The following CDH12 variants were observed in gnomAD, a reference collection of about 807,000 sequenced individuals.
CDH12 encodes the protein cadherin-12.
Under a neutral mutation model 74.1 loss-of-function variants are expected in CDH12, and 41 were observed. The ratio of observed to expected loss-of-function variants is 0.55; its 90% confidence interval spans 0.43 to 0.72. The LOEUF is 0.72. Among genes scored for constraint, CDH12 ranks in the 30% least tolerant of loss-of-function variants. The probability of loss-of-function intolerance (pLI) is 0.00; values close to 1 mark genes in which losing one functional copy is unlikely to be tolerated. For synonymous variants in CDH12, 399 were observed against 355.0 expected (o/e 1.12, Z -1.39); for missense variants, 945 against 977.2 (o/e 0.97, Z 0.44).
chr5:21,979,810 G>GT (rs1757228236), intron 5 of CDH12, among the ~76,000 whole-genome samples: 1 of 148,938 alleles, frequency 6.7e-6, no homozygotes, highest in African/African-American at 2.5e-5. Flanking sequence ...TTTTACATGA[G>GT]TAAAAAAAAA....
At chr5:22,456,042 A>G (rs941088801) in intron 2 of CDH12, among the ~76,000 whole-genome samples, 1 of 151,852 alleles carries the variant, frequency 6.6e-6, no homozygotes, top group Non-Finnish European at 1.5e-5. Flanking sequence ...AAGCCAGTGA[A>G]TAGTGAGCAA....
intron 5 of CDH12, among the ~76,000 whole-genome samples, chr5:21,984,139 T>C (rs1351656538): frequency 6.6e-6 from 1 of 152,076 alleles, no homozygotes; most frequent in East Asian, 1.9e-4. Flanking sequence ...ATTTGAAGTT[T>C]TGAGTTTTTG....
chr5:21,983,358 CTGATTA>C (rs1358179901), intron 5 of CDH12, among the ~76,000 whole-genome samples: 5 of 152,048 alleles, frequency 3.3e-5, no homozygotes, highest in Admixed American at 3.3e-4. Context: ...TGGTATCCAT[CTGATTA>C]TATTTTCTTT....
intron 6 of CDH12, among the ~76,000 whole-genome samples, chr5:21,927,439 T>A (rs956437071): frequency 1.2e-4 from 15 of 127,770 alleles, no homozygotes; most frequent in Admixed American, 9.5e-4. Context: ...AAAAAAAAAA[T>A]TAGCTGAGTA....
chr5:22,007,246 G>A (rs567819826), intron 5 of CDH12, among the ~76,000 whole-genome samples: 27 of 152,280 alleles, frequency 1.8e-4, no homozygotes, highest in African/African-American at 5.8e-4. Context: ...AAGCTCAAGA[G>A]ATCTGTTATA....
At chr5:22,792,588 T>C (rs1254644611) in intron 1 of CDH12, among the ~76,000 whole-genome samples, 2 of 152,204 alleles carry the variant, frequency 1.3e-5, no homozygotes, top group Admixed American at 1.3e-4. Flanking sequence ...CACTATGTTA[T>C]AATTGTAAAG....
chr5:22,434,348 C>A (rs1744290958), intron 2 of CDH12, among the ~76,000 whole-genome samples: 1 of 152,110 alleles, frequency 6.6e-6, no homozygotes, highest in South Asian at 2.1e-4. Flanking sequence ...TCTACATATA[C>A]AACTATTTTC....
At chr5:22,814,554 A>G (rs1749297886) in intron 1 of CDH12, among the ~76,000 whole-genome samples, 1 of 152,196 alleles carries the variant, frequency 6.6e-6, no homozygotes, top group African/African-American at 2.4e-5. Flanking sequence ...AAATAATTTT[A>G]TATTTCAATA....
chr5:22,040,289 A>C (rs1248405820), intron 5 of CDH12, among the ~76,000 whole-genome samples: 1 of 152,120 alleles, frequency 6.6e-6, no homozygotes, highest in Non-Finnish European at 1.5e-5. Context: ...ACAAAGAGTG[A>C]AGACAGCCTA....
chr5:22,661,231 A>G (rs532853358), intron 1 of CDH12, among the ~76,000 whole-genome samples: 2 of 152,310 alleles, frequency 1.3e-5, no homozygotes, highest in East Asian at 3.9e-4. Context: ...AACACCTAAC[A>G]AAGAATTAGC....
intron 3 of CDH12, among the ~76,000 whole-genome samples, chr5:22,347,535 C>T (rs960843654): frequency 6.6e-6 from 1 of 152,118 alleles, no homozygotes; most frequent in Non-Finnish European, 1.5e-5. Context: ...CTTCCTTGCT[C>T]CTCAGCCTGC....
At chr5:22,761,343 C>T (rs551617784) in intron 1 of CDH12, among the ~76,000 whole-genome samples, 2 of 152,090 alleles carry the variant, frequency 1.3e-5, no homozygotes, top group Non-Finnish European at 2.9e-5. Flanking sequence ...ATGAAAGCAT[C>T]TTGAAAGCAA....
chr5:22,095,006 A>G (rs946172188), intron 4 of CDH12, among the ~76,000 whole-genome samples: 2 of 152,164 alleles, frequency 1.3e-5, no homozygotes, highest in African/African-American at 2.4e-5. Context: ...GTGATTAAAA[A>G]GCTTTATTGC....
chr5:21,915,369 G>A (rs560983600), intron 6 of CDH12, among the ~76,000 whole-genome samples: 1 of 152,034 alleles, frequency 6.6e-6, no homozygotes, highest in Non-Finnish European at 1.5e-5. Flanking sequence ...GAAGCGAACT[G>A]CAAGGTTTGA....
chr5:22,532,976 G>T (rs1351834870), intron 1 of CDH12, among the ~76,000 whole-genome samples: 8 of 151,844 alleles, frequency 5.3e-5, no homozygotes, highest in Non-Finnish European at 8.8e-5. Context: ...AAAGTATACA[G>T]GGCAAATTAC....
chr5:21,895,143 A>AC (rs1753064935), intron 6 of CDH12, among the ~76,000 whole-genome samples: 2 of 152,118 alleles, frequency 1.3e-5, no homozygotes, highest in South Asian at 4.1e-4. Flanking sequence ...AGCCTATAGC[A>AC]CAGAGAAGAA....
At chr5:22,291,593 A>G (rs1402373700) in intron 3 of CDH12, among the ~76,000 whole-genome samples, 1 of 152,162 alleles carries the variant, frequency 6.6e-6, no homozygotes, top group Non-Finnish European at 1.5e-5. Flanking sequence ...CAAGAAACCA[A>G]TCCTATTTAC....
intron 1 of CDH12, among the ~76,000 whole-genome samples, chr5:22,740,328 C>A (rs16898853): frequency 6.6e-6 from 1 of 151,926 alleles, no homozygotes; most frequent in East Asian, 1.9e-4. Context: ...TCAGCATTAA[C>A]CACTTTTCCT....
At chr5:22,814,332 T>A (rs1749287399) in intron 1 of CDH12, among the ~76,000 whole-genome samples, 1 of 152,156 alleles carries the variant, frequency 6.6e-6, no homozygotes, top group Non-Finnish European at 1.5e-5. Context: ...AATTTGAAAC[T>A]AAAATAAAAT....
Sources: allele counts gnomAD v4.1 joint callset (sites outside exome capture counted in the v4.1 genomes callset), GRCh38; gene constraint gnomAD v4.1.1; transcripts MANE v1.5; gene names NCBI Gene and HGNC (gene_info 2026-07-23, HGNC 2026-07-21).